SOX30: variants seen among roughly 807,000 people sequenced by gnomAD.
The protein encoded by SOX30 is SRY-box transcription factor 30.
Under a neutral mutation model 58.6 loss-of-function variants are expected in SOX30, and 17 were observed. That is an observed-to-expected ratio of 0.29 (90% CI 0.20 to 0.44). SOX30 has a LOEUF of 0.44. Among genes scored for constraint, SOX30 ranks in the 20% least tolerant of loss-of-function variants. The pLI is 1.00. For synonymous variants in SOX30, 421 were observed against 400.2 expected, an observed-to-expected ratio of 1.05 and a Z score of -0.62; for missense variants, 951 against 965.8, an observed-to-expected ratio of 0.98 and a Z score of 0.20.
rs1295788671 is a variant in SOX30 at position 157,652,030 on chromosome 5, G to A, written c.49C>T (p.Pro17Ser). Reference protein sequence around the residue: ...EPPPQPRPLRPAPPPLPVEGT... With the variant: ...EPPPQPRPLRSAPPPLPVEGT... ...TCGACCGGCAGCGGGGGCGGAGCGG[G>A]ACGCAACGGGCGCGGCTGAGGCGGC... The change falls in exon 1 of 5, where the codon CCC becomes TCC. Residue 17 changes from proline to serine, a missense_variant. Pro to Ser is a moderately conservative substitution (Grantham distance 74). Transcript: ENST00000265007. The A allele has an allele frequency of 1.4e-6, 2 of 1,426,536 alleles. No individual in the cohort carries two copies. The highest frequency in any genetic ancestry group is 1.8e-6 in the Non-Finnish European group (2 of 1,098,982). The allele number at this position is 1,426,536 out of a possible 1,614,324, so 88.4% of individuals were successfully genotyped here.
chr5:157,650,173 A>G (rs1375198175), intron 1 of SOX30, among the ~76,000 whole-genome samples: 5 of 152,162 alleles, frequency 3.3e-5, no homozygotes, highest in Non-Finnish European at 7.3e-5. Flanking sequence ...ATTACTTCAT[A>G]TATTAAAAAT....
rs1333368166 is a variant in SOX30 at position 157,626,654 on chromosome 5, T to C, written c.1948A>G (p.Ser650Gly). 1 of 1,614,010 alleles carries C rather than the reference T, an allele frequency of 6.2e-7. No homozygotes were observed. Among genetic ancestry groups the C allele is most frequent in the Non-Finnish European group, 8.5e-7 (1 of 1,179,992 alleles). The change falls in exon 5 of 5, where the codon AGT becomes GGT. Residue 650 changes from serine (S) to glycine (G), a missense_variant. Physicochemically the swap from Ser to Gly is moderately conservative, Grantham distance 56. This residue lies in a region of SOX30 where 381 missense variants were observed against 390.0 expected (regional missense o/e 0.98). Transcript: ENST00000265007. ...NFPSSMPECL[S>G]YYEDRYPKHE... ...TTTGGGTACCTGTCTTCATAATAAC[T>C]AAGGCATTCTGGCATTGAACTCGGA...
chr5:157,628,159 T>C (rs868639360), intron 4 of SOX30, among the ~76,000 whole-genome samples: 1 of 151,776 alleles, frequency 6.6e-6, no homozygotes, highest in African/African-American at 2.4e-5. Context: ...CAAAAAAAAA[T>C]TTTTTTAAAA....
rs767435597 is a variant in SOX30, at chr5:157,651,974, C to T, written c.105G>A (p.Glu35=). 146 of 1,453,652 alleles carry T rather than the reference C, an allele frequency of 1.0e-4. 2 individuals carry two copies. In the East Asian group the frequency reaches 3.4e-3, roughly 34 times the overall value. The allele number at this position is 1,453,652 out of a possible 1,614,324, so 90.0% of individuals were successfully genotyped here. A position where few individuals can be genotyped will look rare whatever the true frequency, so the allele number is the denominator to read the frequency against. ...TCAGTGTGGGAGACGACGGAGGGGG[C>T]TCCATGGCTGCTGCCCAAAAGGAGG... ...EGTSFWAAAM[E]PPPSSPTLSA... is the part of the protein sequence containing the mutation. Residue 35 remains glutamate (E), a synonymous_variant, in exon 1 of 5, where the codon GAG becomes GAA. Transcript: ENST00000265007.
At chr5:157,641,234 A>G (rs1172489819) in intron 3 of SOX30, among the ~76,000 whole-genome samples, 2 of 152,184 alleles carry the variant, frequency 1.3e-5, no homozygotes, top group African/African-American at 4.8e-5. Context: ...ACAGAAAAAA[A>G]AAAAGAACTA....
chr5:157,669,641 C>G (rs949323124), intron 1 of SOX30, among the ~76,000 whole-genome samples: 1 of 152,012 alleles, frequency 6.6e-6, no homozygotes, highest in Non-Finnish European at 1.5e-5. Context: ...CTCAGCCTCC[C>G]TAGTGGCTGG....
intron 3 of SOX30, among the ~76,000 whole-genome samples, 157 bp from the exon 4 acceptor site, chr5:157,638,879 A>G (rs570041184): frequency 1.8e-4 from 27 of 152,156 alleles, no homozygotes; most frequent in Non-Finnish European, 2.5e-4. Context: ...CATTTGCAGC[A>G]TTTTGAACAA....
At chr5:157,667,958 C>T (rs1001363227) in intron 1 of SOX30, 14 of 1,263,198 alleles carry the variant, frequency 1.1e-5, no homozygotes, top group African/African-American at 1.0e-4. Context: ...TCAGGCATCA[C>T]GCCTATCTTA....
In SOX30 at chr5:157,651,473, T is replaced by G. The variant is rs750836650; in HGVS notation, c.606A>C (p.Lys202Asn). 6.2e-7 allele frequency: 1 copy of G among 1,613,292 alleles called. No individual in the cohort carries two copies. Among genetic ancestry groups the G allele is most frequent in the African/African-American group, 1.3e-5 (1 of 74,948 alleles). ...CACCTTCTCGGATGGCTGCCGGGCT[T>G]TTGCCTGCCCCGCCTTGCATCGAGT... ...MRDSMQGGAG[K>N]SPAAIREGVI... Residue 202 changes from lysine (K) to asparagine (N), a missense_variant, in exon 1 of 5, where the codon AAA becomes AAC. Physicochemically the swap from Lys to Asn is moderately conservative, Grantham distance 94 (BLOSUM62 0). Transcript: ENST00000265007.
upstream of SOX30, among the ~76,000 whole-genome samples, chr5:157,654,616 A>G (rs960366540): frequency 1.3e-5 from 2 of 152,212 alleles, no homozygotes; most frequent in East Asian, 1.9e-4. Flanking sequence ...ACTGGGTCGC[A>G]TTCCCAGACA....
At chr5:157,663,875 A>G (rs1480150087) in intron 2 of SOX30, among the ~76,000 whole-genome samples, 1 of 152,216 alleles carries the variant, frequency 6.6e-6, no homozygotes, top group Non-Finnish European at 1.5e-5. Context: ...TAAAATACCT[A>G]GGGATCCAAT....
At chr5:157,634,805 A>C (rs537671123) in intron 4 of SOX30, among the ~76,000 whole-genome samples, 1 of 151,972 alleles carries the variant, frequency 6.6e-6, no homozygotes, top group African/African-American at 2.4e-5. Context: ...CCACCACCAC[A>C]CTTGGCTAAT....
At chr5:157,665,859 G>A (rs1759660204) in intron 2 of SOX30, among the ~76,000 whole-genome samples, 1 of 149,414 alleles carries the variant, frequency 6.7e-6, no homozygotes, top group Non-Finnish European at 1.5e-5. Flanking sequence ...TCACTGCAAA[G>A]TTGCAAAACC....
chr5:157,660,249 C>T (rs1007414110), intron 2 of SOX30, among the ~76,000 whole-genome samples: 9 of 152,104 alleles, frequency 5.9e-5, no homozygotes, highest in Non-Finnish European at 8.8e-5. Flanking sequence ...GGCAAAATCT[C>T]GTCTCTACAA....
intron 2 of SOX30, among the ~76,000 whole-genome samples, chr5:157,666,854 C>T (rs1384718519): frequency 2.6e-5 from 4 of 152,074 alleles, no homozygotes; most frequent in Non-Finnish European, 5.9e-5. Flanking sequence ...TACAGGCATG[C>T]ACCACTACAC....
chr5:157,648,935 T>TAC lies in SOX30; in HGVS notation c.968-41_968-40dup, dbSNP rs3217237. The TAC allele has an allele frequency of 1.5e-3, 2,201 of 1,480,430 alleles. 18 individuals are homozygous for TAC. In the East Asian group the frequency reaches 0.036, roughly 24 times the overall value. 91.7% of individuals were successfully genotyped at this position (1,480,430 alleles called of 1,614,324 possible). On this transcript the variant is annotated intron_variant, in intron 1 of 4. Transcript: ENST00000265007. ...ATTAAAAGGCTAAATTAATGTGCCATACACACACACACACACAATTTTAAG... is the reference window on the plus strand; with the variant it reads ...ATTAAAAGGCTAAATTAATGTGCCATACACACACACACACACACAATTTTAAG...
intron 2 of SOX30, among the ~76,000 whole-genome samples, chr5:157,665,365 G>A (rs1042263919): frequency 2.6e-5 from 4 of 152,084 alleles, no homozygotes; most frequent in Non-Finnish European, 4.4e-5. Context: ...ACCAAACATC[G>A]CATGTTTTCA....
chr5:157,670,716 C>T (rs966560242), intron 1 of SOX30, among the ~76,000 whole-genome samples: 3 of 152,192 alleles, frequency 2.0e-5, no homozygotes, highest in African/African-American at 7.2e-5. Context: ...TGGCTTCCCT[C>T]ATCTGGTTCG....
At chr5:157,645,673 A>C (rs1464119752) in intron 3 of SOX30, among the ~76,000 whole-genome samples, 1 of 151,878 alleles carries the variant, frequency 6.6e-6, no homozygotes. Context: ...AAAAAAAAAA[A>C]AAAAGTGACA....
Sources: gnomAD v4.1 joint callset for allele counts (sites outside exome capture counted in the v4.1 genomes callset) on GRCh38, gnomAD v4.1.1 for gene constraint, gnomAD v4.1.1 regional missense constraint, MANE v1.5 for transcripts, NCBI Gene and HGNC (gene_info 2026-07-23, HGNC 2026-07-21) for gene names.